Variants in BICC1 observed in about 807,000 individuals in gnomAD.
BICC1 encodes the protein protein bicaudal C homolog 1.
BICC1 carries 43 observed loss-of-function variants against 111.0 expected under a neutral mutation model. The ratio of observed to expected loss-of-function variants is 0.39; its 90% confidence interval spans 0.30 to 0.50. The LOEUF (loss-of-function observed/expected upper bound fraction) is 0.50, where lower values mean the gene tolerates loss of function less well. Ranked by LOEUF, BICC1 falls within the 20% of genes least tolerant of loss-of-function variation. The probability of loss-of-function intolerance (pLI) is 0.88; values close to 1 mark genes in which losing one functional copy is unlikely to be tolerated. For synonymous variants in BICC1, 467 were observed against 434.4 expected (o/e 1.07, Z -0.93); for missense variants, 1,091 against 1,203.2 (o/e 0.91, Z 1.38).
intron 1 of BICC1, among the ~76,000 whole-genome samples, chr10:58,586,875 A>G (rs1413763053): frequency 6.6e-6 from 1 of 152,152 alleles, no homozygotes. Context: ...GATTTCAGGA[A>G]TCAGGCATCA....
chr10:58,732,340 G>A (rs1841327638), intron 3 of BICC1, among the ~76,000 whole-genome samples: 1 of 138,758 alleles, frequency 7.2e-6, no homozygotes, highest in Non-Finnish European at 1.5e-5. Context: ...AGAAAGAAGA[G>A]GAAGAGGAGT....
At chr10:58,555,207 T>G (rs1372274777) in intron 1 of BICC1, among the ~76,000 whole-genome samples, 1 of 151,886 alleles carries the variant, frequency 6.6e-6, no homozygotes, top group Non-Finnish European at 1.5e-5. Flanking sequence ...CAGTGCAAAC[T>G]TCTGAAATTT....
At chr10:58,686,175 G>T (rs1839718813) in intron 2 of BICC1, among the ~76,000 whole-genome samples, 1 of 152,176 alleles carries the variant, frequency 6.6e-6, no homozygotes. Context: ...TTTTCTTTAA[G>T]AATGTTGAAT....
chr10:58,682,077 C>G (rs1379501058), intron 2 of BICC1, among the ~76,000 whole-genome samples: 1 of 141,022 alleles, frequency 7.1e-6, no homozygotes, highest in Non-Finnish European at 1.5e-5. Context: ...TCCAAGTGTT[C>G]TCATTGTTCA....
chr10:58,807,252 G>T, intron 17 of BICC1, 94 bp downstream of exon 17: 1 of 1,217,948 alleles, frequency 8.2e-7, no homozygotes, highest in South Asian at 1.8e-5. Context: ...TGTACCTAAG[G>T]GAAAATGATT....
rs549285336 is a variant in BICC1, at chr10:58,744,822, G to A, written c.308-40179G>A. ...CAGGAGGTCATTGTGAAGATACTGG[G>A]TAATAGAGAACATCTGGAGGTGATC... On this transcript the variant is annotated intron_variant, in intron 3 of 20. Transcript: ENST00000373886. Among the ~76,000 whole-genome samples, 304 of 152,248 alleles carry A rather than the reference G, an allele frequency of 2.0e-3. 1 individual carries two copies. Among genetic ancestry groups the A allele is most frequent in the Admixed American group, 5.6e-3 (85 of 15,276 alleles).
intron 3 of BICC1, among the ~76,000 whole-genome samples, chr10:58,707,385 TG>T (rs1840415889): frequency 6.6e-6 from 1 of 152,118 alleles, no homozygotes; most frequent in Non-Finnish European, 1.5e-5. Context: ...TGGCAGGGCA[TG>T]GCATGCTGGA....
chr10:58,710,195 G>A (rs977676051), intron 3 of BICC1, among the ~76,000 whole-genome samples: 1 of 152,252 alleles, frequency 6.6e-6, no homozygotes, highest in African/African-American at 2.4e-5. Flanking sequence ...GTAAAGGTAG[G>A]TTAGTTTGCC....
At chr10:58,630,357 G>A (rs1837755518) in intron 2 of BICC1, among the ~76,000 whole-genome samples, 1 of 152,192 alleles carries the variant, frequency 6.6e-6, no homozygotes, top group Non-Finnish European at 1.5e-5. Context: ...GGAAAAAGAT[G>A]TTCCAGAGTG....
At chr10:58,758,676 C>A (rs1378705825) in intron 3 of BICC1, among the ~76,000 whole-genome samples, 2 of 152,180 alleles carry the variant, frequency 1.3e-5, no homozygotes, top group African/African-American at 4.8e-5. Context: ...GACATTTCTT[C>A]TCATCATCGG....
chr10:58,522,666 A>G (rs1440174879), intron 1 of BICC1, among the ~76,000 whole-genome samples: 3 of 152,162 alleles, frequency 2.0e-5, no homozygotes, highest in East Asian at 1.9e-4. Context: ...GAGCAAACAC[A>G]TTCAAAAGCT....
chr10:58,519,180 A>C (rs1367341548), intron 1 of BICC1, among the ~76,000 whole-genome samples: 1 of 151,938 alleles, frequency 6.6e-6, no homozygotes, highest in African/African-American at 2.4e-5. Flanking sequence ...TTTTTGCCTT[A>C]TTTTTGCACT....
chr10:58,566,927 G>A (rs1260163467), intron 1 of BICC1, among the ~76,000 whole-genome samples: 1 of 152,156 alleles, frequency 6.6e-6, no homozygotes, highest in Admixed American at 6.6e-5. Flanking sequence ...GAGGCTTGGA[G>A]AAGGGATATT....
chr10:58,564,507 A>G (rs1267349118), intron 1 of BICC1, among the ~76,000 whole-genome samples: 2 of 152,214 alleles, frequency 1.3e-5, no homozygotes, highest in Non-Finnish European at 2.9e-5. Flanking sequence ...TCAGTGAGCA[A>G]GAGGTTGATT....
chr10:58,703,779 T>C (rs1840309488), intron 3 of BICC1, among the ~76,000 whole-genome samples: 1 of 152,246 alleles, frequency 6.6e-6, no homozygotes, highest in Non-Finnish European at 1.5e-5. Flanking sequence ...TTCCCTGTTG[T>C]CAGGCATTTT....
chr10:58,645,404 C>T (rs1396985446), intron 2 of BICC1, among the ~76,000 whole-genome samples: 3 of 46,708 alleles, frequency 6.4e-5, no homozygotes, highest in African/African-American at 2.7e-4. Flanking sequence ...GAGACTCCAT[C>T]TCAAAAAAAA....
At chr10:58,567,921 A>G (rs1346198365) in intron 1 of BICC1, among the ~76,000 whole-genome samples, 2 of 152,092 alleles carry the variant, frequency 1.3e-5, no homozygotes, top group South Asian at 2.1e-4. Flanking sequence ...TGGAAAGGGC[A>G]TGGTATATTT....
intron 2 of BICC1, among the ~76,000 whole-genome samples, chr10:58,693,611 G>T (rs549373506): frequency 4.6e-5 from 7 of 151,720 alleles, no homozygotes; most frequent in African/African-American, 1.7e-4. Context: ...CTGATGGCCA[G>T]TGATGATGAG....
chr10:58,551,963 T>TG (rs1293727167), intron 1 of BICC1, among the ~76,000 whole-genome samples: 220 of 106,856 alleles, frequency 2.1e-3, no homozygotes, highest in Admixed American at 4.9e-3. Context: ...CAAGTTTTTT[T>TG]TGGGGGGGGA....
Sources: gnomAD v4.1 joint callset for allele counts (sites outside exome capture counted in the v4.1 genomes callset) on GRCh38, gnomAD v4.1.1 for gene constraint, MANE v1.5 for transcripts, NCBI Gene and HGNC (gene_info 2026-07-23, HGNC 2026-07-21) for gene names.